The following PCDHA7 variants were observed in gnomAD, a reference collection of about 807,000 sequenced individuals.
PCDHA7 encodes protocadherin alpha-7.
PCDHA7 carries 37 observed loss-of-function variants against 57.2 expected under a neutral mutation model. That is an observed-to-expected ratio of 0.65 (90% CI 0.50 to 0.85). The LOEUF is 0.85. Among genes scored for constraint, PCDHA7 ranks in the 40% least tolerant of loss-of-function variants. The pLI is 0.00. For missense variants in PCDHA7, 1,188 were observed against 1,241.8 expected, an observed-to-expected ratio of 0.96 and a Z score of 0.65; for synonymous variants, 553 against 558.8, an observed-to-expected ratio of 0.99 and a Z score of 0.15.
intron 1 of PCDHA7, among the ~76,000 whole-genome samples, chr5:140,975,601 G>A (rs943598203): frequency 1.2e-4 from 19 of 152,192 alleles, no homozygotes; most frequent in African/African-American, 4.6e-4. Flanking sequence ...GCAATTTGTT[G>A]ATGTCTTCCA....
chr5:140,855,098 A>G (rs1204884452), intron 1 of PCDHA7, among the ~76,000 whole-genome samples: 1 of 149,990 alleles, frequency 6.7e-6, no homozygotes, highest in African/African-American at 2.4e-5. Flanking sequence ...CCTGTGCAGT[A>G]GCAATAATTA....
At chr5:140,847,610 C>T (rs1047587407) in intron 1 of PCDHA7, 3 of 149,370 alleles carry the variant, frequency 2.0e-5, no homozygotes, top group African/African-American at 7.4e-5. Context: ...ATTGTAATAA[C>T]ATTACACAAA....
rs1214693088 is a variant in PCDHA7, at chr5:140,904,196, C to T, written c.2355+67458C>T. Among the ~76,000 whole-genome samples the T allele has an allele frequency of 1.1e-4, 17 of 152,034 alleles. No homozygotes were observed. In the East Asian group the frequency reaches 3.3e-3, roughly 29 times the overall value. On this transcript the variant is annotated intron_variant, in intron 1 of 3. Transcript: ENST00000525929. ...TTCCTCACCCCCTTCCCACCCTTTC[C>T]CCCTAAGTCCCCAAAGTCCATTGTA... is the stretch of plus-strand genomic sequence containing the variant.
chr5:140,958,872 G>T (rs993434831), intron 1 of PCDHA7, among the ~76,000 whole-genome samples: 1 of 151,970 alleles, frequency 6.6e-6, no homozygotes, highest in Non-Finnish European at 1.5e-5. Context: ...GTTTATAAAA[G>T]AATTGACCAG....
intron 1 of PCDHA7, among the ~76,000 whole-genome samples, chr5:140,971,015 G>C (rs1425390222): frequency 6.6e-6 from 1 of 152,228 alleles, no homozygotes; most frequent in Non-Finnish European, 1.5e-5. Flanking sequence ...GAAGTCTTTA[G>C]ATCGTAGCAT....
intron 3 of PCDHA7, among the ~76,000 whole-genome samples, chr5:140,983,005 A>G (rs1468544114): frequency 2.0e-5 from 3 of 152,110 alleles, no homozygotes; most frequent in African/African-American, 4.8e-5. Flanking sequence ...AAAGAAAGAA[A>G]AAGGAAGGAA....
chr5:140,871,046 T>C, intron 1 of PCDHA7: 1 of 1,613,310 alleles, frequency 6.2e-7, no homozygotes, highest in Non-Finnish European at 8.5e-7. Context: ...CGACTTCTAG[T>C]ACTGGTGAAG....
intron 1 of PCDHA7, chr5:140,869,761 C>T (rs782673770): frequency 6.2e-7 from 1 of 1,613,150 alleles, no homozygotes; most frequent in Non-Finnish European, 8.5e-7. Context: ...CGGGGGAAAA[C>T]CAGAGCTTAC....
intron 1 of PCDHA7, chr5:140,883,260 C>A (rs1554177345): frequency 6.2e-7 from 1 of 1,613,946 alleles, no homozygotes; most frequent in Non-Finnish European, 8.5e-7. Context: ...ATTCCAATGG[C>A]GGGTCATTGT....
At chr5:140,853,068 A>G (rs2042618131) in intron 1 of PCDHA7, 1 of 280,152 alleles carries the variant, frequency 3.6e-6, no homozygotes, top group Non-Finnish European at 5.5e-6. Context: ...TTTAGTAGAG[A>G]TGGGGTTTCA....
rs181382577 is a variant in PCDHA7 at position 140,851,207 on chromosome 5, A to G, written c.2355+14469A>G. 3,689 of 1,174,684 alleles carry G rather than the reference A, an allele frequency of 3.1e-3. 213 individuals carry two copies. The highest frequency in any genetic ancestry group is 3.6e-3 in the Non-Finnish European group (3,326 of 916,620). The allele number at this position is 1,174,684 out of a possible 1,614,324, so 72.8% of individuals were successfully genotyped here. On this transcript the variant is annotated intron_variant, in intron 1 of 3. Transcript: ENST00000525929. The stretch of plus-strand genomic sequence containing the variant: ...CCAATTTAGTTGTTAGTCATTCATT[A>G]AACATTAACATCACTATCATTTATT...
At chr5:140,842,161 T>C in intron 1 of PCDHA7, 1 of 1,613,884 alleles carries the variant, frequency 6.2e-7, no homozygotes. Flanking sequence ...TTTCATATTC[T>C]TTTAATAGCC....
chr5:140,865,816 A>G (rs1554159628), intron 1 of PCDHA7: 1 of 152,168 alleles, frequency 6.6e-6, no homozygotes, highest in East Asian at 1.9e-4. Context: ...TTTATCCACT[A>G]TAATGTAGAG....
chr5:140,946,980 T>G (rs757011315), intron 1 of PCDHA7, among the ~76,000 whole-genome samples: 4 of 151,702 alleles, frequency 2.6e-5, no homozygotes, highest in Non-Finnish European at 5.9e-5. Context: ...AATAGAGGAT[T>G]TTGAGTGTTC....
intron 1 of PCDHA7, chr5:140,854,282 G>A: frequency 1.9e-6 from 1 of 533,858 alleles, no homozygotes; most frequent in African/African-American, 2.1e-5. Context: ...ATTGAGTTTA[G>A]TTTTTATTAT....
chr5:140,855,994 G>A (rs941733432), intron 1 of PCDHA7: 1 of 1,498,182 alleles, frequency 6.7e-7, no homozygotes, highest in Non-Finnish European at 9.0e-7. Flanking sequence ...ATGTCAGATC[G>A]TATGTGCGTT....
At position 140,835,575 on chromosome 5, in the gene PCDHA7, G is replaced by C. The variant is rs1554135076; in HGVS notation, c.1192G>C (p.Val398Leu). The C allele has an allele frequency of 1.9e-6, 3 of 1,613,752 alleles. No homozygotes were observed. Among genetic ancestry groups the C allele is most frequent in the Non-Finnish European group, 2.5e-6 (3 of 1,179,870 alleles). ...GACGCCCCGCGTTCCCTTCAAGTTG[G>C]TGTCCACCTTCAAGAATTACTATTC... ...SLTPRVPFKL[V>L]STFKNYYSLV... Residue 398 changes from valine to leucine, a missense_variant, in exon 1 of 4, where the codon GTG becomes CTG. Coordinates refer to ENST00000525929, the MANE Select transcript of PCDHA7 (RefSeq NM_018910.3).
intron 1 of PCDHA7, chr5:140,870,212 T>C (rs2051764636): frequency 6.2e-7 from 1 of 1,614,076 alleles, no homozygotes; most frequent in Non-Finnish European, 8.5e-7. Context: ...GTCATTGCCC[T>C]GATCAGCGTG....
chr5:140,961,234 G>A (rs2095598781), intron 1 of PCDHA7, among the ~76,000 whole-genome samples: 1 of 152,180 alleles, frequency 6.6e-6, no homozygotes, highest in South Asian at 2.1e-4. Context: ...CCAAAAAGGT[G>A]ATGGAATTTA....
Sources: allele counts gnomAD v4.1 joint callset (sites outside exome capture counted in the v4.1 genomes callset), GRCh38; gene constraint gnomAD v4.1.1; transcripts MANE v1.5; gene names NCBI Gene and HGNC (gene_info 2026-07-23, HGNC 2026-07-21).